CACNA2D4: variants seen among roughly 807,000 people sequenced by gnomAD.
CACNA2D4 encodes calcium voltage-gated channel auxiliary subunit alpha2delta 4.
CACNA2D4 carries 157 observed loss-of-function variants against 163.8 expected under a neutral mutation model. That is an observed-to-expected ratio of 0.96 (90% CI 0.84 to 1.09). The LOEUF is 1.09. Among genes scored for constraint, CACNA2D4 ranks in the 50% least tolerant of loss-of-function variants. CACNA2D4 has a pLI of 0.00. For synonymous variants in CACNA2D4, 598 were observed against 586.9 expected, an observed-to-expected ratio of 1.02 and a Z score of -0.27; for missense variants, 1,410 against 1,479.9, an observed-to-expected ratio of 0.95 and a Z score of 0.78.
intron 37 of CACNA2D4, 160 bp downstream of exon 37, chr12:1,795,139 A>G (rs1294400737): frequency 1.6e-6 from 1 of 617,190 alleles, no homozygotes; most frequent in Admixed American, 2.8e-5. Context: ...ATTATATCAC[A>G]GTGTCACAGG....
At chr12:1,845,621 A>G (rs1437543234) in intron 24 of CACNA2D4, among the ~76,000 whole-genome samples, 1 of 152,036 alleles carries the variant, frequency 6.6e-6, no homozygotes, top group African/African-American at 2.4e-5. Flanking sequence ...CAGGTGCCTG[A>G]AGGTCCTCAC....
intron 26 of CACNA2D4, among the ~76,000 whole-genome samples, chr12:1,824,566 C>T (rs1259853472): frequency 6.6e-6 from 1 of 152,242 alleles, no homozygotes; most frequent in Non-Finnish European, 1.5e-5. Context: ...GCAGGCCCAG[C>T]ATCCAGAGTG....
At chr12:1,801,173 C>G in intron 30 of CACNA2D4, 55 bp from the exon 31 acceptor site, 1 of 1,485,552 alleles carries the variant, frequency 6.7e-7, no homozygotes. Flanking sequence ...CCCCCTGCCC[C>G]TGCCTCAGGA....
intron 2 of CACNA2D4, among the ~76,000 whole-genome samples, chr12:1,913,386 G>A (rs571178578): frequency 3.0e-4 from 45 of 152,288 alleles, no homozygotes; most frequent in African/African-American, 8.7e-4. Flanking sequence ...GCCTTAACAG[G>A]GGAGTAGACC....
chr12:1,893,459 A>G (rs1250353255), intron 6 of CACNA2D4, among the ~76,000 whole-genome samples: 1 of 152,198 alleles, frequency 6.6e-6, no homozygotes, highest in Admixed American at 6.5e-5. Flanking sequence ...CAGAGGATGC[A>G]GTGAGCAGAG....
intron 26 of CACNA2D4, among the ~76,000 whole-genome samples, chr12:1,817,746 G>A (rs1333632375): frequency 3.3e-5 from 5 of 152,134 alleles, no homozygotes; most frequent in Non-Finnish European, 2.9e-5. Flanking sequence ...TCGGCCTCCC[G>A]AGGTGCCGGG....
At chr12:1,805,964 G>T (rs1320792129) in intron 29 of CACNA2D4, among the ~76,000 whole-genome samples, 1 of 152,214 alleles carries the variant, frequency 6.6e-6, no homozygotes, top group Admixed American at 6.5e-5. Flanking sequence ...CATGCCTGAT[G>T]CCCCCTGACG....
chr12:1,842,526 A>T (rs1438447049), intron 25 of CACNA2D4, among the ~76,000 whole-genome samples: 1 of 151,958 alleles, frequency 6.6e-6, no homozygotes, highest in South Asian at 2.1e-4. Context: ...GGCTGTGGAG[A>T]GGAAGTGGGC....
At chr12:1,819,333 A>G (rs1255421166) in intron 26 of CACNA2D4, among the ~76,000 whole-genome samples, 9 of 152,108 alleles carry the variant, frequency 5.9e-5, no homozygotes, top group Non-Finnish European at 1.3e-4. Flanking sequence ...CCCAGAGGTA[A>G]AAGACACTGC....
At position 1,878,917 on chromosome 12, in the gene CACNA2D4, G is replaced by A. The variant is rs778794518; in HGVS notation, c.1644+39C>T. ...CACGGGGGAGGGAGTTTGCTCCTGG[G>A]GAACCTGTGATCCCCACAGGGAACA... On this transcript the variant is annotated intron_variant, in intron 15 of 37. Coordinates refer to ENST00000382722, the MANE Select transcript of CACNA2D4 (RefSeq NM_172364.5). This position sits in a 1 kb window ranked among gnomAD's most constrained non-coding sequence, Gnocchi z 4.6. The A allele has an allele frequency of 1.1e-4, 173 of 1,577,468 alleles. 1 individual carries two copies. The highest frequency in any genetic ancestry group is 1.3e-5 in the Non-Finnish European group (15 of 1,149,270).
intron 29 of CACNA2D4, among the ~76,000 whole-genome samples, chr12:1,807,481 G>T (rs1336499994): frequency 6.6e-6 from 1 of 151,720 alleles, no homozygotes; most frequent in Non-Finnish European, 1.5e-5. Flanking sequence ...ATAGATAACT[G>T]CTCTAGAGTT....
intron 37 of CACNA2D4, among the ~76,000 whole-genome samples, chr12:1,794,485 C>G (rs1863055046): frequency 6.6e-6 from 1 of 152,200 alleles, no homozygotes; most frequent in Non-Finnish European, 1.5e-5. Flanking sequence ...CACAAGGTGG[C>G]CGTCACTTCA....
In CACNA2D4 at chr12:1,844,388, G is replaced by T. The variant is rs536736418; in HGVS notation, c.2470+14C>A. The T allele has an allele frequency of 6.2e-7, 1 of 1,612,566 alleles. No individual in the cohort carries two copies. The highest frequency in any genetic ancestry group is 1.7e-5 in the Admixed American group (1 of 59,914). On this transcript the variant is annotated intron_variant, in intron 25 of 37. Transcript: ENST00000382722. The surrounding 1 kb of genome is among the most constrained non-coding windows in gnomAD (Gnocchi z 4.2). ...AGACTGGCCCAGCCCCGGGAGCACC[G>T]GGCTGTGTGTTACCTGGTCCTTCTG... is the stretch of plus-strand genomic sequence containing the variant.
intron 26 of CACNA2D4, among the ~76,000 whole-genome samples, chr12:1,837,500 A>G (rs1864907278): frequency 6.6e-6 from 1 of 152,160 alleles, no homozygotes. Context: ...TGCAAGCCCC[A>G]CTGAAGAGCG....
rs371184117 is a variant in CACNA2D4 at position 1,900,840 on chromosome 12, C to T, written c.781+6600G>A. Among the ~76,000 whole-genome samples the T allele has an allele frequency of 2.1e-4, 32 of 152,280 alleles. No individual in the cohort carries two copies. The East Asian group carries it at 3.9e-3, about 18-fold the overall frequency. ...GAAACATCATACTTAATCTGCACTACGGGCCAAATAGACTTAATTGATATT... is the reference window on the plus strand; with the variant it reads ...GAAACATCATACTTAATCTGCACTATGGGCCAAATAGACTTAATTGATATT... On this transcript the variant is annotated intron_variant, in intron 6 of 37. Transcript: ENST00000382722.
intron 26 of CACNA2D4, among the ~76,000 whole-genome samples, chr12:1,814,104 C>A (rs1410790504): frequency 2.0e-5 from 3 of 152,214 alleles, no homozygotes; most frequent in African/African-American, 7.2e-5. Context: ...CTTCCTTCAT[C>A]CTGTCCTTGG....
intron 6 of CACNA2D4, among the ~76,000 whole-genome samples, chr12:1,906,402 T>C (rs141950319): frequency 8.6e-4 from 131 of 152,304 alleles, no homozygotes; most frequent in African/African-American, 2.9e-3. Flanking sequence ...TGGGAGAAAT[T>C]ATTTGCAAAT....
In CACNA2D4 at chr12:1,802,017, G is replaced by GTGTGTT. The variant is rs1192544293; in HGVS notation, c.2722-374_2722-373insAACACA. 2.4e-3 allele frequency among the ~76,000 whole-genome samples: 63 copies of GTGTGTT among 26,468 alleles called. No individual in the cohort carries two copies. Among genetic ancestry groups the GTGTGTT allele is most frequent in the Admixed American group, 0.016 (34 of 2,136 alleles). 17.4% of individuals were successfully genotyped at this position (26,468 alleles called of 152,430 possible). On this transcript the variant is annotated intron_variant, in intron 29 of 37. Transcript: ENST00000382722. This position sits in a 1 kb window ranked among gnomAD's most constrained non-coding sequence, Gnocchi z 4.7. ...TGAAACTGGATTTGTTTTATATGCT[G>GTGTGTT]TGTGTGTGTGTGTGTGTGTGTGTGT... is the stretch of plus-strand genomic sequence containing the variant.
In CACNA2D4 at chr12:1,793,245, G is replaced by A. The variant is rs765116071; in HGVS notation, c.*410C>T. The A allele has an allele frequency of 5.3e-6, 1 of 188,024 alleles. No individual in the cohort carries two copies. Among genetic ancestry groups the A allele is most frequent in the African/African-American group, 2.3e-5 (1 of 42,896 alleles). 11.6% of individuals were successfully genotyped at this position (188,024 alleles called of 1,614,324 possible). A position where few individuals can be genotyped will look rare whatever the true frequency, so the allele number is the denominator to read the frequency against. On this transcript the variant is annotated 3_prime_UTR_variant, in exon 38 of 38. Coordinates refer to ENST00000382722, the MANE Select transcript of CACNA2D4 (RefSeq NM_172364.5). Reference sequence around the variant, plus strand: ...CTTCTCAGTACCCAGAAGTCCTTGGGTTCTACCAGAGACCACTCCGACAGA... The same window carrying A: ...CTTCTCAGTACCCAGAAGTCCTTGGATTCTACCAGAGACCACTCCGACAGA...
Sources: gnomAD v4.1 joint callset for allele counts (sites outside exome capture counted in the v4.1 genomes callset) on GRCh38, gnomAD v4.1.1 for gene constraint, Gnocchi (gnomAD v3.1) non-coding constraint, MANE v1.5 for transcripts, NCBI Gene and HGNC (gene_info 2026-07-23, HGNC 2026-07-21) for gene names.